WNT7A: variants seen among roughly 807,000 people sequenced by gnomAD.
The protein encoded by WNT7A is protein Wnt-7a.
WNT7A carries 16 observed loss-of-function variants against 28.2 expected under a neutral mutation model. That is an observed-to-expected ratio of 0.57 (90% CI 0.38 to 0.86). WNT7A has a LOEUF of 0.86. Among genes scored for constraint, WNT7A ranks in the 40% least tolerant of loss-of-function variants. The pLI, the probability that WNT7A is intolerant of heterozygous loss-of-function variation, is 0.00. For synonymous variants in WNT7A, 190 were observed against 195.9 expected, an observed-to-expected ratio of 0.97 and a Z score of 0.25; for missense variants, 411 against 489.7, an observed-to-expected ratio of 0.84 and a Z score of 1.52.
At chr3:13,860,266 G>C (rs1169052058) in intron 2 of WNT7A, among the ~76,000 whole-genome samples, 1 of 152,116 alleles carries the variant, frequency 6.6e-6, no homozygotes, top group Admixed American at 6.5e-5. Flanking sequence ...AAACTGGCCA[G>C]AACTGGAATT....
chr3:13,839,022 T>C (rs561504059), intron 3 of WNT7A, among the ~76,000 whole-genome samples: 1 of 150,442 alleles, frequency 6.6e-6, no homozygotes, highest in East Asian at 1.9e-4. Context: ...CAATATCAGA[T>C]AGATATTTGG....
intron 3 of WNT7A, among the ~76,000 whole-genome samples, chr3:13,839,102 A>G (rs1694416746): frequency 6.6e-6 from 1 of 152,242 alleles, no homozygotes; most frequent in Non-Finnish European, 1.5e-5. Flanking sequence ...TGTAGCAACT[A>G]GCAAATGTCA....
At position 13,817,381 on chromosome 3, in the gene WNT7A, G is replaced by A. The variant is rs77474099; in HGVS notation, c.*1563C>T. 16,304 of 151,502 alleles carry A rather than the reference G, an allele frequency of 0.11. 1,148 individuals carry two copies. The highest frequency in any genetic ancestry group is 0.18 in the Middle Eastern group (53 of 294). The allele number at this position is 151,502 out of a possible 1,614,324, so 9.4% of individuals were successfully genotyped here. A position where few individuals can be genotyped will look rare whatever the true frequency, so the allele number is the denominator to read the frequency against. Reference sequence around the variant, plus strand: ...GAGTACGGCGGAGGCGCTGCAAGGCGCAAAGTCACGTGACTACACTCAAGT... The same window carrying A: ...GAGTACGGCGGAGGCGCTGCAAGGCACAAAGTCACGTGACTACACTCAAGT... On this transcript the variant is annotated 3_prime_UTR_variant, in exon 4 of 4. Coordinates refer to ENST00000285018, the MANE Select transcript of WNT7A (RefSeq NM_004625.4).
chr3:13,818,862 T>G lies in WNT7A; in HGVS notation c.*82A>C. 6.7e-7 allele frequency: 1 copy of G among 1,495,192 alleles called. No homozygotes were observed. The highest frequency in any genetic ancestry group is 8.9e-7 in the Non-Finnish European group (1 of 1,121,910). The allele number at this position is 1,495,192 out of a possible 1,614,324, so 92.6% of individuals were successfully genotyped here. ...AGCAGAAAAGACAAGCTCAGCATCCTGCCAGGGAGCCCGCAGCTTGGAAAC... is the reference window on the plus strand; with the variant it reads ...AGCAGAAAAGACAAGCTCAGCATCCGGCCAGGGAGCCCGCAGCTTGGAAAC... On this transcript the variant is annotated 3_prime_UTR_variant, in exon 4 of 4. Coordinates refer to ENST00000285018, the MANE Select transcript of WNT7A (RefSeq NM_004625.4).
chr3:13,841,816 A>G (rs972029672), intron 3 of WNT7A, among the ~76,000 whole-genome samples: 1 of 152,214 alleles, frequency 6.6e-6, no homozygotes, highest in Non-Finnish European at 1.5e-5. Flanking sequence ...CTACACAGAA[A>G]AACAAAACGT....
chr3:13,866,773 T>C (rs1694917287), intron 2 of WNT7A, among the ~76,000 whole-genome samples: 2 of 150,030 alleles, frequency 1.3e-5, no homozygotes, highest in Non-Finnish European at 3.0e-5. Context: ...CGCGGGAGGG[T>C]TTTACACAGC....
chr3:13,841,770 G>C (rs1278886866), intron 3 of WNT7A, among the ~76,000 whole-genome samples: 1 of 152,170 alleles, frequency 6.6e-6, no homozygotes, highest in Admixed American at 6.5e-5. Flanking sequence ...GGATCACTTG[G>C]CAAAGTACCA....
chr3:13,864,213 A>G (rs912359903), intron 2 of WNT7A, among the ~76,000 whole-genome samples: 2 of 152,120 alleles, frequency 1.3e-5, no homozygotes, highest in African/African-American at 4.8e-5. Context: ...AAAGAATTTG[A>G]TTATCTTCCT....
intron 3 of WNT7A, among the ~76,000 whole-genome samples, chr3:13,831,810 C>T (rs902739459): frequency 1.3e-5 from 2 of 152,170 alleles, no homozygotes; most frequent in Admixed American, 6.5e-5. Flanking sequence ...GTGGCTGCTG[C>T]ATCACTGGCC....
intron 3 of WNT7A, among the ~76,000 whole-genome samples, chr3:13,822,902 C>A (rs1403608873): frequency 9.9e-5 from 15 of 152,142 alleles, no homozygotes; most frequent in Non-Finnish European, 8.8e-5. Context: ...GGATGGGGGT[C>A]ACTGCTCCTT....
At chr3:13,856,491 C>T (rs539578825) in intron 2 of WNT7A, among the ~76,000 whole-genome samples, 3 of 152,332 alleles carry the variant, frequency 2.0e-5, no homozygotes, top group African/African-American at 7.2e-5. Context: ...GCTCGCAACT[C>T]TCTGCATTAG....
chr3:13,818,806 C>T lies in WNT7A; in HGVS notation c.*138G>A. The T allele has an allele frequency of 8.2e-6, 11 of 1,337,752 alleles. No individual in the cohort carries two copies. Among genetic ancestry groups the T allele is most frequent in the Non-Finnish European group, 2.0e-6 (2 of 1,013,198 alleles). The allele number at this position is 1,337,752 out of a possible 1,614,324, so 82.9% of individuals were successfully genotyped here. On this transcript the variant is annotated 3_prime_UTR_variant, in exon 4 of 4. Coordinates refer to ENST00000285018, the MANE Select transcript of WNT7A (RefSeq NM_004625.4). The stretch of plus-strand genomic sequence containing the variant: ...GAGATTTTTTTTCCCCCACGGATGC[C>T]TGCAGGAAACCCAGGAAAAGTACCC...
chr3:13,860,143 C>T (rs932229462), intron 2 of WNT7A, among the ~76,000 whole-genome samples: 1 of 152,130 alleles, frequency 6.6e-6, no homozygotes. Flanking sequence ...ATGCTTGGTC[C>T]TCTGTGAAGG....
intron 3 of WNT7A, among the ~76,000 whole-genome samples, chr3:13,840,598 A>ATCCATCCG (rs1324547482): frequency 6.9e-6 from 1 of 145,334 alleles, no homozygotes; most frequent in African/African-American, 2.6e-5. Context: ...CTATTCATTC[A>ATCCATCCG]TCCATCCATC....
At chr3:13,824,446 A>G (rs950437808) in intron 3 of WNT7A, among the ~76,000 whole-genome samples, 3 of 152,170 alleles carry the variant, frequency 2.0e-5, no homozygotes, top group South Asian at 2.1e-4. Context: ...TTTCCTTTTC[A>G]TGGCTGAATA....
chr3:13,869,787 C>T (rs932607786), intron 2 of WNT7A, among the ~76,000 whole-genome samples: 3 of 152,116 alleles, frequency 2.0e-5, no homozygotes, highest in Non-Finnish European at 2.9e-5. Flanking sequence ...AGACACCCCC[C>T]GCCCAAGGTA....
intron 2 of WNT7A, among the ~76,000 whole-genome samples, chr3:13,856,832 A>C (rs1054216788): frequency 6.6e-6 from 1 of 151,142 alleles, no homozygotes; most frequent in African/African-American, 2.4e-5. Context: ...AAGAAGATGA[A>C]GGAGAAGAAG....
chr3:13,837,208 A>T (rs1027931502), intron 3 of WNT7A, among the ~76,000 whole-genome samples: 2 of 152,132 alleles, frequency 1.3e-5, no homozygotes, highest in African/African-American at 2.4e-5. Context: ...CAGGTATTCC[A>T]GGACGACACC....
intron 2 of WNT7A, among the ~76,000 whole-genome samples, chr3:13,861,705 T>G (rs907652382): frequency 2.6e-5 from 4 of 151,438 alleles, no homozygotes; most frequent in Non-Finnish European, 2.9e-5. Flanking sequence ...CCGGAGGAGG[T>G]GAGGCTGTGG....
Sources: allele counts gnomAD v4.1 joint callset (sites outside exome capture counted in the v4.1 genomes callset), GRCh38; gene constraint gnomAD v4.1.1; transcripts MANE v1.5; gene names NCBI Gene and HGNC (gene_info 2026-07-23, HGNC 2026-07-21).